Variants in PLOD2 observed in about 807,000 individuals in gnomAD.
The protein encoded by PLOD2 is procollagen-lysine,2-oxoglutarate 5-dioxygenase 2, also known as lysine hydroxylase 2.
Under a neutral mutation model 101.0 loss-of-function variants are expected in PLOD2, and 65 were observed. The observed-to-expected ratio is 0.64, with a 90% CI of 0.53 to 0.79. The LOEUF is 0.79. PLOD2 is among the 30% of genes least tolerant of loss of function. The pLI is 0.00. For missense variants in PLOD2, 909 were observed against 914.6 expected, an observed-to-expected ratio of 0.99 and a Z score of 0.08; for synonymous variants, 314 against 302.9, an observed-to-expected ratio of 1.04 and a Z score of -0.38.
chr3:146,104,338 G>T lies in PLOD2; in HGVS notation c.620C>A (p.Ala207Asp). 1.3e-6 allele frequency: 2 copies of T among 1,509,208 alleles called. No homozygotes were observed. Among genetic ancestry groups the T allele is most frequent in the Non-Finnish European group, 1.8e-6 (2 of 1,084,518 alleles). The allele number at this position is 1,509,208 out of a possible 1,614,324, so 93.5% of individuals were successfully genotyped here. The stretch of plus-strand genomic sequence containing the variant: ...TTTGTGATCCAATGTGATGTTAATA[G>T]CTTCCTAAAACATAAGAATAGAAAT... ...KVYIDPLKRE[A>D]INITLDHKCK... The change falls in exon 6 of 20, where the codon GCT (alanine) becomes GAT (aspartate). Residue 207 changes from alanine to aspartate, a missense_variant. By Grantham distance (126) the Ala-to-Asp change is moderately radical. Coordinates refer to ENST00000282903, the MANE Select transcript of PLOD2 (RefSeq NM_182943.3).
chr3:146,112,965 G>T (rs1937715973), intron 3 of PLOD2, among the ~76,000 whole-genome samples: 3 of 151,774 alleles, frequency 2.0e-5, no homozygotes, highest in Admixed American at 1.3e-4. Context: ...CCCAGAACTT[G>T]AAGTAAAATA....
At chr3:146,104,792 A>G (rs570599758) in intron 5 of PLOD2, among the ~76,000 whole-genome samples, 63 of 152,292 alleles carry the variant, frequency 4.1e-4, no homozygotes, top group African/African-American at 1.4e-3. Context: ...CAACTCCCCA[A>G]TAAGGGAACT....
intron 1 of PLOD2, among the ~76,000 whole-genome samples, chr3:146,143,279 A>G (rs1287923549): frequency 1.3e-5 from 2 of 148,938 alleles, no homozygotes; most frequent in Non-Finnish European, 3.0e-5. Context: ...CGTGTTTACA[A>G]TCTATGTAAA....
chr3:146,150,396 A>T (rs1427822154), intron 1 of PLOD2, among the ~76,000 whole-genome samples: 1 of 120,696 alleles, frequency 8.3e-6, no homozygotes. Flanking sequence ...CGTAGCCATT[A>T]AAAAAAAAAT....
At chr3:146,085,511 T>C in intron 10 of PLOD2, 1 of 531,054 alleles carries the variant, frequency 1.9e-6, no homozygotes, top group Non-Finnish European at 3.3e-6. Flanking sequence ...TTAAAATATA[T>C]TTTCAAGCCA....
At chr3:146,079,002 G>T in intron 13 of PLOD2, 114 bp downstream of exon 13, 1 of 1,001,472 alleles carries the variant, frequency 1.0e-6, no homozygotes, top group Non-Finnish European at 1.6e-6. Context: ...CAAAAAAATT[G>T]GCTAGTACTT....
intron 1 of PLOD2, among the ~76,000 whole-genome samples, chr3:146,128,436 T>C (rs2108105175): frequency 6.6e-6 from 1 of 152,260 alleles, no homozygotes; most frequent in African/African-American, 2.4e-5. Flanking sequence ...AAGAAACAGG[T>C]GATGCATCTA....
chr3:146,157,144 G>C (rs73148996), intron 1 of PLOD2, among the ~76,000 whole-genome samples: 13,427 of 152,218 alleles, frequency 0.088, 764 homozygotes, highest in South Asian at 0.14. Context: ...TCTGGGGGAA[G>C]AAGAAACTAG....
Position 146,109,456 on chromosome 3 carries a change from C to T in PLOD2, c.502+829G>A, listed in dbSNP as rs572943255. Among the ~76,000 whole-genome samples, 7 of 152,276 alleles carry T rather than the reference C, an allele frequency of 4.6e-5. No homozygotes were observed. In the South Asian group the frequency reaches 1.2e-3, roughly 27 times the overall value. On this transcript the variant is annotated intron_variant, in intron 4 of 19. Transcript: ENST00000282903. ...CCTAGTGGCTAAGCAAAGCCTAGAA[C>T]CCAGATATGCTGCTACCTGAAGCAG...
chr3:146,101,856 T>C (rs1339486874), intron 7 of PLOD2, among the ~76,000 whole-genome samples: 2 of 152,112 alleles, frequency 1.3e-5, no homozygotes, highest in African/African-American at 4.8e-5. Context: ...AAGATAGAGA[T>C]TGCTTTGTAG....
intron 1 of PLOD2, among the ~76,000 whole-genome samples, chr3:146,141,472 A>G (rs1428526782): frequency 6.6e-6 from 1 of 152,060 alleles, no homozygotes; most frequent in African/African-American, 2.4e-5. Context: ...ATGTTCCTCA[A>G]CTACAGATTT....
At position 146,110,398 on chromosome 3, in the gene PLOD2, T is replaced by G. The variant is rs746617629; in HGVS notation, c.389A>C (p.Gln130Pro). ...GGPEEVLKKF[Q>P]KANHKVVFAA... ...AAAGACCACTTTGTGGTTTGCCTTT[T>G]GGAATTTTTTTAGAACTTCTTCTGG... The change falls in exon 4 of 20, where the codon CAA becomes CCA. Residue 130 changes from glutamine (Q) to proline (P), a missense_variant. By Grantham distance (76) the Gln-to-Pro change is moderately conservative. Transcript: ENST00000282903. The G allele has an allele frequency of 3.7e-6, 6 of 1,613,694 alleles. No homozygotes were observed. The South Asian group carries it at 6.6e-5, about 18-fold the overall frequency.
chr3:146,094,206 T>C (rs1937070761), intron 7 of PLOD2, among the ~76,000 whole-genome samples: 1 of 152,200 alleles, frequency 6.6e-6, no homozygotes, highest in Admixed American at 6.5e-5. Context: ...ACAGAGAAAC[T>C]TTTCCGCCCA....
chr3:146,143,023 C>T, intron 1 of PLOD2, among the ~76,000 whole-genome samples: 1 of 152,124 alleles, frequency 6.6e-6, no homozygotes, highest in East Asian at 1.9e-4. Flanking sequence ...TTTTTCAATG[C>T]TATCGGCTGA....
intron 17 of PLOD2, among the ~76,000 whole-genome samples, chr3:146,072,245 T>C (rs1936170568): frequency 7.0e-6 from 1 of 143,570 alleles, no homozygotes; most frequent in South Asian, 2.3e-4. Flanking sequence ...AAAAGTGGCC[T>C]TGGAAAAGAG....
At chr3:146,075,242 G>A (rs1375585) in intron 15 of PLOD2, among the ~76,000 whole-genome samples, 78,124 of 151,260 alleles carry the variant, frequency 0.52, 20,266 homozygotes, top group Middle Eastern at 0.56. Flanking sequence ...AGAATATTCA[G>A]AGACTACTAC....
At chr3:146,091,946 T>A (rs968732192) in intron 7 of PLOD2, 45 bp from the exon 8 acceptor site, 2 of 989,778 alleles carry the variant, frequency 2.0e-6, no homozygotes, top group Non-Finnish European at 3.3e-6. Flanking sequence ...AGGCCTCTCA[T>A]CGGTGTGGTT....
At chr3:146,075,310 T>G (rs1353280353) in intron 15 of PLOD2, among the ~76,000 whole-genome samples, 1 of 151,282 alleles carries the variant, frequency 6.6e-6, no homozygotes, top group Non-Finnish European at 1.5e-5. Flanking sequence ...TCTCATCAGG[T>G]GGATTGAGTC....
chr3:146,094,311 C>T (rs1249034163), intron 7 of PLOD2, among the ~76,000 whole-genome samples: 1 of 152,188 alleles, frequency 6.6e-6, no homozygotes, highest in Non-Finnish European at 1.5e-5. Flanking sequence ...AAATTCACAT[C>T]TCTATTTTTA....
Sources: allele counts gnomAD v4.1 joint callset (sites outside exome capture counted in the v4.1 genomes callset), GRCh38; gene constraint gnomAD v4.1.1; transcripts MANE v1.5; gene names NCBI Gene and HGNC (gene_info 2026-07-23, HGNC 2026-07-21).